Variants in NRXN3 observed in about 807,000 individuals in gnomAD.
The protein encoded by NRXN3 is neurexin 3, also known as neurexin III.
Under a neutral mutation model 137.6 loss-of-function variants are expected in NRXN3, and 32 were observed. The observed-to-expected ratio is 0.23, with a 90% CI of 0.18 to 0.31. NRXN3 has a LOEUF of 0.31. Among genes scored for constraint, NRXN3 ranks in the 10% least tolerant of loss-of-function variants. The probability of loss-of-function intolerance (pLI) is 1.00; values close to 1 mark genes in which losing one functional copy is unlikely to be tolerated. For missense variants in NRXN3, 1,574 were observed against 2,062.5 expected (o/e 0.76, Z 4.59); for synonymous variants, 798 against 784.5 (o/e 1.02, Z -0.29).
intron 16 of NRXN3, among the ~76,000 whole-genome samples, chr14:79,615,100 G>C (rs1218625435): frequency 6.6e-6 from 1 of 152,162 alleles, no homozygotes; most frequent in African/African-American, 2.4e-5. Flanking sequence ...TTTACCTAAA[G>C]ATAACAAGAG....
intron 16 of NRXN3, among the ~76,000 whole-genome samples, chr14:79,512,495 G>A (rs117262582): frequency 0.016 from 2,451 of 152,240 alleles, 98 homozygotes; most frequent in East Asian, 0.12. Context: ...TATAGAAATA[G>A]AAAATAATAG....
At chr14:78,773,980 T>G (rs2098737035) in intron 8 of NRXN3, among the ~76,000 whole-genome samples, 1 of 152,136 alleles carries the variant, frequency 6.6e-6, no homozygotes, top group Admixed American at 6.5e-5. Flanking sequence ...TTTTGTATTT[T>G]TAGTAGAGAC....
intron 4 of NRXN3, among the ~76,000 whole-genome samples, chr14:78,322,250 T>C (rs1334050482): frequency 6.6e-6 from 1 of 151,934 alleles, no homozygotes; most frequent in Admixed American, 6.6e-5. Context: ...AAATATGTAA[T>C]TGGGAAAGCC....
At chr14:79,067,881 G>C (rs1447796376) in intron 15 of NRXN3, among the ~76,000 whole-genome samples, 3 of 151,992 alleles carry the variant, frequency 2.0e-5, no homozygotes, top group East Asian at 1.9e-4. Context: ...TTAACATGAA[G>C]TGATAAAAAT....
intron 16 of NRXN3, among the ~76,000 whole-genome samples, chr14:79,563,857 A>G (rs1465155128): frequency 6.6e-6 from 1 of 151,972 alleles, no homozygotes; most frequent in Non-Finnish European, 1.5e-5. Flanking sequence ...TCTGACTGGA[A>G]CACAGCAGCC....
intron 19 of NRXN3, among the ~76,000 whole-genome samples, chr14:79,768,941 G>C (rs1438526304): frequency 6.6e-6 from 1 of 151,518 alleles, no homozygotes; most frequent in Non-Finnish European, 1.5e-5. Context: ...AGCTGATGGA[G>C]CTGAAAACCA....
chr14:78,803,171 C>T (rs548676654), intron 8 of NRXN3, among the ~76,000 whole-genome samples: 70 of 152,186 alleles, frequency 4.6e-4, no homozygotes, highest in Non-Finnish European at 8.8e-4. Context: ...TGGTAAATAT[C>T]GATTTGTCTG....
At chr14:78,186,923 A>T (rs780024303) in intron 1 of NRXN3, among the ~76,000 whole-genome samples, 1 of 152,260 alleles carries the variant, frequency 6.6e-6, no homozygotes, top group Non-Finnish European at 1.5e-5. Context: ...TTCCTAAGCC[A>T]TATGACCCTA....
intron 4 of NRXN3, among the ~76,000 whole-genome samples, chr14:78,546,258 A>C (rs189682552): frequency 1.3e-3 from 194 of 152,330 alleles, no homozygotes; most frequent in African/African-American, 4.5e-3. Flanking sequence ...GTGCCAGCTG[A>C]GAAGTGTAAA....
At chr14:78,789,301 C>T (rs990186747) in intron 8 of NRXN3, among the ~76,000 whole-genome samples, 4 of 152,070 alleles carry the variant, frequency 2.6e-5, no homozygotes, top group African/African-American at 9.7e-5. Context: ...CAAATTTTAC[C>T]ATTTCTTTCC....
At chr14:79,470,762 A>G (rs1332426937) in intron 16 of NRXN3, among the ~76,000 whole-genome samples, 1 of 152,134 alleles carries the variant, frequency 6.6e-6, no homozygotes, top group East Asian at 1.9e-4. Flanking sequence ...AACAACAATA[A>G]AAACCTAAAG....
At chr14:79,114,979 G>T (rs1333393728) in intron 15 of NRXN3, among the ~76,000 whole-genome samples, 1 of 152,062 alleles carries the variant, frequency 6.6e-6, no homozygotes, top group African/African-American at 2.4e-5. Context: ...GCCTGAATTT[G>T]CAACTGCCTG....
chr14:78,200,138 T>G (rs890981281), intron 1 of NRXN3, among the ~76,000 whole-genome samples: 1 of 152,322 alleles, frequency 6.6e-6, no homozygotes, highest in African/African-American at 2.4e-5. Context: ...AAGTCCTTGC[T>G]GGTTCATCTG....
intron 6 of NRXN3, among the ~76,000 whole-genome samples, chr14:78,666,613 T>G (rs2097888895): frequency 6.6e-6 from 1 of 152,186 alleles, no homozygotes; most frequent in Non-Finnish European, 1.5e-5. Flanking sequence ...CTTTTTGCCC[T>G]CATTTAATCA....
At chr14:78,669,908 C>A (rs559268067) in intron 6 of NRXN3, among the ~76,000 whole-genome samples, 1 of 151,910 alleles carries the variant, frequency 6.6e-6, no homozygotes, top group Admixed American at 6.6e-5. Context: ...ATGTGCAGAA[C>A]GTACAGTTTT....
chr14:78,259,074 G>C (rs2070197857), intron 2 of NRXN3, among the ~76,000 whole-genome samples: 1 of 151,140 alleles, frequency 6.6e-6, no homozygotes, highest in African/African-American at 2.4e-5. Context: ...GGAGGTTGCA[G>C]TGAGCCAAGA....
chr14:78,848,489 C>CCTT (rs149826552), intron 10 of NRXN3, among the ~76,000 whole-genome samples: 3,547 of 152,240 alleles, frequency 0.023, 155 homozygotes, highest in African/African-American at 0.082. Flanking sequence ...ACAGGCCGTG[C>CCTT]CTTCAGATTA....
At chr14:79,080,046 G>C (rs1239504116) in intron 15 of NRXN3, among the ~76,000 whole-genome samples, 4 of 152,138 alleles carry the variant, frequency 2.6e-5, no homozygotes, top group Non-Finnish European at 5.9e-5. Context: ...AGTGTATTAA[G>C]AGTATTATGC....
chr14:78,995,912 A>G (rs182024708), intron 15 of NRXN3, among the ~76,000 whole-genome samples: 1 of 152,290 alleles, frequency 6.6e-6, no homozygotes, highest in East Asian at 1.9e-4. Context: ...CTTTGGTGTT[A>G]TCTTTTCTAT....
Sources: gnomAD v4.1 joint callset for allele counts (sites outside exome capture counted in the v4.1 genomes callset) on GRCh38, gnomAD v4.1.1 for gene constraint, MANE v1.5 for transcripts, NCBI Gene and HGNC (gene_info 2026-07-23, HGNC 2026-07-21) for gene names.